Variants in TRPC1 observed in about 807,000 individuals in gnomAD.
TRPC1 encodes transient receptor potential cation channel subfamily C member 1, also known as short transient receptor potential channel 1.
In TRPC1, 42 loss-of-function variants were observed where a neutral mutation model predicts 88.2. That is an observed-to-expected ratio of 0.48 (90% CI 0.37 to 0.62). TRPC1 has a LOEUF of 0.62. TRPC1 is among the 20% of genes least tolerant of loss of function. TRPC1 has a pLI of 0.00. For missense variants in TRPC1, 699 were observed against 957.3 expected (o/e 0.73, Z 3.56); for synonymous variants, 288 against 331.8 (o/e 0.87, Z 1.43).
At chr3:142,769,019 T>C (rs1935488686) in intron 4 of TRPC1, among the ~76,000 whole-genome samples, 1 of 152,184 alleles carries the variant, frequency 6.6e-6, no homozygotes, top group African/African-American at 2.4e-5. Flanking sequence ...TCATTTTTTC[T>C]TGTGGATTCC....
intron 2 of TRPC1, among the ~76,000 whole-genome samples, chr3:142,738,232 G>A (rs1934213467): frequency 6.6e-6 from 1 of 152,132 alleles, no homozygotes; most frequent in Non-Finnish European, 1.5e-5. Flanking sequence ...TCTTCTGATT[G>A]CAAATCTCAT....
At chr3:142,747,008 A>G (rs1934581082) in intron 3 of TRPC1, among the ~76,000 whole-genome samples, 1 of 152,232 alleles carries the variant, frequency 6.6e-6, no homozygotes, top group Non-Finnish European at 1.5e-5. Flanking sequence ...AGAATCTATG[A>G]ACTTCCTTAA....
At chr3:142,753,966 TC>T (rs1934868684) in intron 4 of TRPC1, among the ~76,000 whole-genome samples, 1 of 151,892 alleles carries the variant, frequency 6.6e-6, no homozygotes, top group African/African-American at 2.4e-5. Context: ...GTACCTGTGG[TC>T]CCAGCTATGC....
intron 4 of TRPC1, among the ~76,000 whole-genome samples, chr3:142,775,489 C>T (rs765237622): frequency 5.3e-5 from 8 of 151,974 alleles, no homozygotes; most frequent in Non-Finnish European, 7.4e-5. Context: ...TGTGGTGGCA[C>T]GCACCTGTAA....
intron 4 of TRPC1, among the ~76,000 whole-genome samples, chr3:142,764,956 GT>G (rs1480471943): frequency 3.3e-5 from 5 of 151,622 alleles, no homozygotes; most frequent in African/African-American, 1.2e-4. Context: ...TTGTTCTTTT[GT>G]CTTTTTTCTC....
intron 1 of TRPC1, among the ~76,000 whole-genome samples, chr3:142,732,281 T>G (rs151278384): frequency 6.7e-4 from 102 of 152,218 alleles, no homozygotes; most frequent in African/African-American, 2.4e-3. Flanking sequence ...GGCTGAGAGA[T>G]AGGGGCCCTG....
intron 2 of TRPC1, 77 bp downstream of exon 2, chr3:142,736,610 T>C: frequency 7.9e-7 from 1 of 1,271,726 alleles, no homozygotes. Flanking sequence ...CTTCTTGTTT[T>C]CTTTCTTCTT....
chr3:142,760,844 T>C (rs955352552), intron 4 of TRPC1, among the ~76,000 whole-genome samples: 2 of 152,186 alleles, frequency 1.3e-5, no homozygotes, highest in African/African-American at 4.8e-5. Flanking sequence ...TTTTGTTTTT[T>C]GTAACCATTG....
intron 8 of TRPC1, among the ~76,000 whole-genome samples, 177 bp downstream of exon 8, chr3:142,791,335 C>T (rs1394956443): frequency 2.6e-5 from 4 of 152,100 alleles, no homozygotes; most frequent in African/African-American, 9.7e-5. Flanking sequence ...ACAGGTGTTA[C>T]TTACCTTTAC....
rs1933579354 is a variant in TRPC1, at chr3:142,724,552, G to T, written c.-8G>T. The T allele has an allele frequency of 6.4e-7, 1 of 1,557,958 alleles. No individual in the cohort carries two copies. On this transcript the variant is annotated 5_prime_UTR_variant, in exon 1 of 13. The change abolishes an upstream ATG in the 5' untranslated region. Coordinates refer to ENST00000476941, the MANE Select transcript of TRPC1 (RefSeq NM_001251845.2). This position sits in a 1 kb window ranked among gnomAD's most constrained non-coding sequence, Gnocchi z 5.6. The stretch of plus-strand genomic sequence containing the variant: ...CCGTCTCCTGGCCTGCCCCCTTCAT[G>T]GGCCGCGATGATGGCGGCCCTGTAC...
rs1450490362 is a variant in TRPC1 at position 142,724,071 on chromosome 3, G to A, written c.-489G>A. 6.6e-6 allele frequency: 1 copy of A among 151,442 alleles called. No homozygotes were observed. Among genetic ancestry groups the A allele is most frequent in the Non-Finnish European group, 1.5e-5 (1 of 67,994 alleles). The allele number at this position is 151,442 out of a possible 1,614,324, so 9.4% of individuals were successfully genotyped here. On this transcript the variant is annotated 5_prime_UTR_variant, in exon 1 of 13. Transcript: ENST00000476941. The surrounding 1 kb of genome is among the most constrained non-coding windows in gnomAD (Gnocchi z 5.6). ...GAGCAGAGGATGACGTGAGGACAGAGTCGCGAACATCTCCTCGGAGCGCAG... is the reference window on the plus strand; with the variant it reads ...GAGCAGAGGATGACGTGAGGACAGAATCGCGAACATCTCCTCGGAGCGCAG...
chr3:142,745,039 T>A (rs948881820), intron 3 of TRPC1, among the ~76,000 whole-genome samples: 32 of 152,274 alleles, frequency 2.1e-4, no homozygotes, highest in African/African-American at 7.5e-4. Context: ...AACTGAAAAA[T>A]CTTACTCATT....
Position 142,806,455 on chromosome 3 carries a change from A to AT in TRPC1, c.*222dup. On this transcript the variant is annotated 3_prime_UTR_variant, in exon 13 of 13. Coordinates refer to ENST00000476941, the MANE Select transcript of TRPC1 (RefSeq NM_001251845.2). The stretch of plus-strand genomic sequence containing the variant: ...GTGGCTTTTTGCAGAAGCAAAACAG[A>AT]TTAAGTAGATAGATTTTGTTAGCAT... 3.0e-6 allele frequency: 1 copy of AT among 338,966 alleles called. No homozygotes were observed. Among genetic ancestry groups the AT allele is most frequent in the South Asian group, 6.8e-5 (1 of 14,764 alleles). 21.0% of individuals were successfully genotyped at this position (338,966 alleles called of 1,614,324 possible). A position where few individuals can be genotyped will look rare whatever the true frequency, so the allele number is the denominator to read the frequency against.
At chr3:142,793,262 T>C (rs1181309303) in intron 9 of TRPC1, among the ~76,000 whole-genome samples, 1 of 152,050 alleles carries the variant, frequency 6.6e-6, no homozygotes, top group East Asian at 1.9e-4. Context: ...TAGAGTAACA[T>C]AAAAATCTGC....
In TRPC1 at chr3:142,745,414, C is replaced by T. The variant is rs774412076; in HGVS notation, c.429+1828C>T. On this transcript the variant is annotated intron_variant, in intron 3 of 12. Coordinates refer to ENST00000476941, the MANE Select transcript of TRPC1 (RefSeq NM_001251845.2). ...TAAAATAACCTTTGGGAGGCCGAGG[C>T]GGGTGGAACATCTGAGGTTGGGAGT... Among the ~76,000 whole-genome samples, 65 of 152,204 alleles carry T rather than the reference C, an allele frequency of 4.3e-4. 1 individual carries two copies. The highest frequency in any genetic ancestry group is 4.6e-4 in the Admixed American group (7 of 15,296).
At chr3:142,734,789 A>AT (rs1209718301) in intron 1 of TRPC1, among the ~76,000 whole-genome samples, 1 of 140,692 alleles carries the variant, frequency 7.1e-6, no homozygotes, top group Non-Finnish European at 1.5e-5. Flanking sequence ...AATAAAAATA[A>AT]AAAAAAAAAT....
At chr3:142,725,652 T>C (rs896889624) in intron 1 of TRPC1, among the ~76,000 whole-genome samples, 4 of 152,186 alleles carry the variant, frequency 2.6e-5, no homozygotes, top group African/African-American at 9.7e-5. Flanking sequence ...CTAAAATTTT[T>C]CTTTTTCCAA....
At chr3:142,772,637 A>G (rs902766803) in intron 4 of TRPC1, among the ~76,000 whole-genome samples, 1 of 151,936 alleles carries the variant, frequency 6.6e-6, no homozygotes, top group African/African-American at 2.4e-5. Context: ...ATACAAAAAA[A>G]TTAGCCAGGC....
chr3:142,751,072 AGTT>A (rs1282696866), intron 4 of TRPC1, among the ~76,000 whole-genome samples: 3 of 152,232 alleles, frequency 2.0e-5, no homozygotes, highest in Admixed American at 6.5e-5. Context: ...TAAAATTTAA[AGTT>A]TACAAAATAA....
Sources: gnomAD v4.1 joint callset for allele counts (sites outside exome capture counted in the v4.1 genomes callset) on GRCh38, gnomAD v4.1.1 for gene constraint, Gnocchi (gnomAD v3.1) non-coding constraint, MANE v1.5 for transcripts, NCBI Gene and HGNC (gene_info 2026-07-23, HGNC 2026-07-21) for gene names.